The following KCNT2 variants were observed in gnomAD, a reference collection of about 807,000 sequenced individuals.
The protein encoded by KCNT2 is potassium sodium-activated channel subfamily T member 2.
In KCNT2, 67 loss-of-function variants were observed where a neutral mutation model predicts 153.8. The observed-to-expected ratio is 0.44, with a 90% CI of 0.36 to 0.53. KCNT2 has a LOEUF of 0.53. KCNT2 is among the 20% of genes least tolerant of loss of function. The probability of loss-of-function intolerance (pLI) is 0.00; values close to 1 mark genes in which losing one functional copy is unlikely to be tolerated. For missense variants in KCNT2, 975 were observed against 1,354.8 expected, an observed-to-expected ratio of 0.72 and a Z score of 4.40; for synonymous variants, 500 against 458.8, an observed-to-expected ratio of 1.09 and a Z score of -1.15.
At chr1:196,569,223 C>G (rs891020202) in intron 1 of KCNT2, among the ~76,000 whole-genome samples, 1 of 152,068 alleles carries the variant, frequency 6.6e-6, no homozygotes, top group Non-Finnish European at 1.5e-5. Context: ...TTGATTACTT[C>G]TAACTGCAAG....
chr1:196,574,348 T>TA (rs879882003), intron 1 of KCNT2, among the ~76,000 whole-genome samples: 9 of 151,758 alleles, frequency 5.9e-5, no homozygotes, highest in Non-Finnish European at 8.8e-5. Flanking sequence ...ATACACTATC[T>TA]AGTGTGACTA....
intron 1 of KCNT2, among the ~76,000 whole-genome samples, chr1:196,531,133 G>A (rs1654884229): frequency 6.6e-6 from 1 of 152,094 alleles, no homozygotes; most frequent in Non-Finnish European, 1.5e-5. Flanking sequence ...TCTATGGGGA[G>A]TTGCTTTTCC....
intron 9 of KCNT2, among the ~76,000 whole-genome samples, 189 bp from the exon 10 acceptor site, chr1:196,428,458 G>A (rs1246657534): frequency 1.3e-5 from 2 of 152,004 alleles, no homozygotes; most frequent in Non-Finnish European, 1.5e-5. Flanking sequence ...ATGTCTCCCA[G>A]GGGCTTCGGG....
chr1:196,452,444 A>C (rs1676299623), intron 8 of KCNT2, among the ~76,000 whole-genome samples: 1 of 151,906 alleles, frequency 6.6e-6, no homozygotes, highest in African/African-American at 2.4e-5. Flanking sequence ...CTATTTCACT[A>C]ACTCTCCTAT....
At chr1:196,394,195 T>C (rs1250842982) in intron 13 of KCNT2, among the ~76,000 whole-genome samples, 1 of 151,596 alleles carries the variant, frequency 6.6e-6, no homozygotes, top group Non-Finnish European at 1.5e-5. Flanking sequence ...GGTATGAAGA[T>C]GGAGCCGCCT....
chr1:196,367,818 G>A (rs1470097573), intron 14 of KCNT2, among the ~76,000 whole-genome samples: 2 of 152,100 alleles, frequency 1.3e-5, no homozygotes, highest in Non-Finnish European at 1.5e-5. Flanking sequence ...ACAGGGCTCT[G>A]ACCAATTATA....
chr1:196,605,052 T>G (rs189012654), intron 1 of KCNT2, among the ~76,000 whole-genome samples: 1 of 152,332 alleles, frequency 6.6e-6, no homozygotes, highest in Non-Finnish European at 1.5e-5. Flanking sequence ...ATATGCTTCA[T>G]TCATTTTCAT....
rs547767361 is a variant in KCNT2 at position 196,590,554 on chromosome 1, T to C, written c.95+17661A>G. 9.2e-5 allele frequency among the ~76,000 whole-genome samples: 14 copies of C among 152,290 alleles called. No individual in the cohort carries two copies. In the South Asian group the frequency reaches 2.9e-3, roughly 32 times the overall value. On this transcript the variant is annotated intron_variant, in intron 1 of 27. Coordinates refer to ENST00000294725, the MANE Select transcript of KCNT2 (RefSeq NM_198503.5). Reference sequence around the variant, plus strand: ...CAGACCCTGGCACTAGCCTCATTCCTTTCTTCACTGCCCTTCCAGATAATG... The same window carrying C: ...CAGACCCTGGCACTAGCCTCATTCCCTTCTTCACTGCCCTTCCAGATAATG...
intron 26 of KCNT2, among the ~76,000 whole-genome samples, chr1:196,248,712 C>A (rs1655670058): frequency 6.6e-6 from 1 of 152,096 alleles, no homozygotes; most frequent in African/African-American, 2.4e-5. Context: ...CGATTTTGAC[C>A]AAACATTGAA....
rs114003118 is a variant in KCNT2 at position 196,481,629 on chromosome 1, A to G, written c.324+702T>C. On this transcript the variant is annotated intron_variant, in intron 4 of 27. Coordinates refer to ENST00000294725, the MANE Select transcript of KCNT2 (RefSeq NM_198503.5). ...GTAATTTTTAAAAGCAACAGAAAAT[A>G]AAAAGGATCTGTAGGAAGTAAACAG... Among the ~76,000 whole-genome samples the G allele has an allele frequency of 8.5e-3, 1,296 of 152,324 alleles. 16 individuals are homozygous for G. Among genetic ancestry groups the G allele is most frequent in the African/African-American group, 0.03 (1,242 of 41,576 alleles).
intron 14 of KCNT2, 88 bp from the exon 15 acceptor site, chr1:196,342,316 C>A: frequency 8.5e-7 from 1 of 1,175,762 alleles, no homozygotes; most frequent in South Asian, 1.6e-5. Context: ...AACTGTTTCT[C>A]AACTGTGTAA....
Position 196,307,062 on chromosome 1 carries a change from T to A in KCNT2, c.2484-1717A>T, listed in dbSNP as rs532481464. Among the ~76,000 whole-genome samples the A allele has an allele frequency of 2.6e-5, 4 of 152,168 alleles. No individual in the cohort carries two copies. In the South Asian group the frequency reaches 8.3e-4, roughly 32 times the overall value. On this transcript the variant is annotated intron_variant, in intron 21 of 27. Coordinates refer to ENST00000294725, the MANE Select transcript of KCNT2 (RefSeq NM_198503.5). ...ACAACCACGATATAATTTCTTTTGC[T>A]GACTTTTAATGTTAAAAATACAGTA...
At chr1:196,245,783 T>C (rs1168464012) in intron 26 of KCNT2, among the ~76,000 whole-genome samples, 1 of 152,022 alleles carries the variant, frequency 6.6e-6, no homozygotes, top group African/African-American at 2.4e-5. Context: ...ACTGGCTATA[T>C]GAAAGTACGG....
chr1:196,241,172 T>A (rs1654922083), intron 26 of KCNT2, among the ~76,000 whole-genome samples: 1 of 151,926 alleles, frequency 6.6e-6, no homozygotes, highest in Non-Finnish European at 1.5e-5. Context: ...AGGTGCTATA[T>A]GAGAAAGAGG....
chr1:196,584,907 G>C (rs547957122), intron 1 of KCNT2, among the ~76,000 whole-genome samples: 21 of 152,098 alleles, frequency 1.4e-4, no homozygotes, highest in African/African-American at 4.8e-4. Flanking sequence ...TGTTTGTTTG[G>C]GGGTGGGGTT....
intron 1 of KCNT2, among the ~76,000 whole-genome samples, chr1:196,510,341 G>C (rs1341723907): frequency 6.6e-6 from 1 of 152,054 alleles, no homozygotes; most frequent in African/African-American, 2.4e-5. Context: ...ACAGATTAGG[G>C]GACTGAGGCA....
intron 26 of KCNT2, among the ~76,000 whole-genome samples, chr1:196,246,148 T>C (rs1655425448): frequency 6.6e-6 from 1 of 152,170 alleles, no homozygotes; most frequent in Non-Finnish European, 1.5e-5. Context: ...GGGAGCAGAC[T>C]TCTCAGTGGA....
At position 196,425,856 on chromosome 1, in the gene KCNT2, C is replaced by T; in HGVS notation, c.1117G>A (p.Ala373Thr). ...SALKDQDLLR[A>T]KMDDAEACFI... ...ATGAAAGGCAGGGATACCTACTTTG[C>T]TCTCAATAGGTCTTGATCTTTAAGG... is the stretch of plus-strand genomic sequence containing the variant. The change falls in exon 11 of 28, where the codon GCA (alanine) becomes ACA (threonine). Residue 373 changes from alanine (A) to threonine (T), a missense_variant. Ala to Thr is a moderately conservative substitution (Grantham distance 58). This residue lies in a region of KCNT2 where 202 missense variants were observed against 314.9 expected (regional missense o/e 0.64). Coordinates refer to ENST00000294725, the MANE Select transcript of KCNT2 (RefSeq NM_198503.5). 1.2e-6 allele frequency: 2 copies of T among 1,611,890 alleles called. No homozygotes were observed. Among genetic ancestry groups the T allele is most frequent in the Non-Finnish European group, 1.7e-6 (2 of 1,178,690 alleles).
intron 1 of KCNT2, among the ~76,000 whole-genome samples, chr1:196,508,112 G>T (rs1398494341): frequency 1.4e-5 from 2 of 143,840 alleles, no homozygotes; most frequent in Non-Finnish European, 3.0e-5. Context: ...ATACATAACA[G>T]AGGTGGTATG....
Sources: gnomAD v4.1 joint callset for allele counts (sites outside exome capture counted in the v4.1 genomes callset) on GRCh38, gnomAD v4.1.1 for gene constraint, gnomAD v4.1.1 regional missense constraint, MANE v1.5 for transcripts, NCBI Gene and HGNC (gene_info 2026-07-23, HGNC 2026-07-21) for gene names.